RAB3C: variants seen among roughly 807,000 people sequenced by gnomAD.
RAB3C encodes the protein RAB3C, member RAS oncogene family.
A neutral mutation model predicts 26.4 loss-of-function variants in RAB3C; 17 were observed. The observed-to-expected ratio is 0.64, with a 90% confidence interval of 0.44 to 0.97. The LOEUF (loss-of-function observed/expected upper bound fraction) is 0.97. RAB3C is among the 50% of genes least tolerant of loss of function. The probability of loss-of-function intolerance (pLI) is 0.00; values close to 1 mark genes in which losing one functional copy is unlikely to be tolerated. For synonymous variants in RAB3C, 91 were observed against 95.9 expected (o/e 0.95, Z 0.30); for missense variants, 242 against 281.9 (o/e 0.86, Z 1.01).
chr5:58,828,926 T>G (rs1386915337), intron 4 of RAB3C, among the ~76,000 whole-genome samples: 11 of 143,954 alleles, frequency 7.6e-5, no homozygotes, highest in East Asian at 6.1e-4. Flanking sequence ...TTTTTTTGGA[T>G]GGAGTCTCGT....
In RAB3C at chr5:58,617,804, A is replaced by C; in HGVS notation, c.186A>C (p.Thr62=). 6.2e-7 allele frequency: 1 copy of C among 1,613,580 alleles called. No individual in the cohort carries two copies. The highest frequency in any genetic ancestry group is 8.5e-7 in the Non-Finnish European group (1 of 1,179,656). The change falls in exon 2 of 5, where the codon ACA becomes ACC. Residue 62 remains threonine, a synonymous_variant. Coordinates refer to ENST00000282878, the MANE Select transcript of RAB3C (RefSeq NM_138453.4). Reference sequence around the variant, plus strand: ...CCTTTACATCTGCATTCGTCAGCACAGTTGGGATCGATTTCAAAGTAAAAA... The same window carrying C: ...CCTTTACATCTGCATTCGTCAGCACCGTTGGGATCGATTTCAAAGTAAAAA... ...DDSFTSAFVS[T]VGIDFKVKTV...
intron 2 of RAB3C, among the ~76,000 whole-genome samples, chr5:58,650,156 G>A (rs1747613199): frequency 6.6e-6 from 1 of 152,180 alleles, no homozygotes; most frequent in African/African-American, 2.4e-5. Context: ...AACTCATGTA[G>A]CCAGGGACCT....
At chr5:58,672,853 G>T (rs906872711) in intron 2 of RAB3C, among the ~76,000 whole-genome samples, 2 of 152,116 alleles carry the variant, frequency 1.3e-5, no homozygotes, top group Non-Finnish European at 2.9e-5. Flanking sequence ...TGCTCTGTGG[G>T]TCTTCTATCC....
intron 2 of RAB3C, among the ~76,000 whole-genome samples, chr5:58,715,012 A>G (rs1749139435): frequency 6.6e-6 from 1 of 152,030 alleles, no homozygotes; most frequent in African/African-American, 2.4e-5. Flanking sequence ...TCAGAGCTGA[A>G]AAGGACTTAG....
chr5:58,585,148 C>CT lies in RAB3C; in HGVS notation c.24+1922dup, dbSNP rs572283551. Among the ~76,000 whole-genome samples, 36 of 151,998 alleles carry CT rather than the reference C, an allele frequency of 2.4e-4. 1 individual carries two copies. In the South Asian group the frequency reaches 4.8e-3, roughly 20 times the overall value. ...AATGTACATTTTAGGAAATCAAAGA[C>CT]TTTTTTAGCATATTTAATTAAAGCA... On this transcript the variant is annotated intron_variant, in intron 1 of 4. Transcript: ENST00000282878.
chr5:58,653,133 C>A (rs990272375), intron 2 of RAB3C, among the ~76,000 whole-genome samples: 2 of 151,992 alleles, frequency 1.3e-5, no homozygotes, highest in Non-Finnish European at 2.9e-5. Context: ...TTGCCCCCCA[C>A]CCTCTGACAG....
At chr5:58,772,303 ATGG>A (rs1742045707) in intron 3 of RAB3C, among the ~76,000 whole-genome samples, 1 of 152,174 alleles carries the variant, frequency 6.6e-6, no homozygotes, top group Admixed American at 6.5e-5. Flanking sequence ...GAACCTGATG[ATGG>A]TATTAAAATA....
chr5:58,601,628 T>C (rs909659912), intron 1 of RAB3C, among the ~76,000 whole-genome samples: 1 of 152,096 alleles, frequency 6.6e-6, no homozygotes, highest in African/African-American at 2.4e-5. Flanking sequence ...CCAGTTTACG[T>C]GCATAAAGGT....
intron 2 of RAB3C, among the ~76,000 whole-genome samples, chr5:58,638,120 T>C (rs1232179369): frequency 3.3e-5 from 5 of 152,318 alleles, no homozygotes; most frequent in East Asian, 3.9e-4. Flanking sequence ...TGTTGCCTAG[T>C]TGACATCCTA....
At chr5:58,749,738 CT>C (rs1372855279) in intron 3 of RAB3C, among the ~76,000 whole-genome samples, 4 of 152,084 alleles carry the variant, frequency 2.6e-5, no homozygotes, top group African/African-American at 7.2e-5. Flanking sequence ...TTGTTTCAGC[CT>C]TTTGCTGAAT....
intron 2 of RAB3C, among the ~76,000 whole-genome samples, chr5:58,669,970 T>G (rs1748079799): frequency 1.3e-5 from 2 of 152,346 alleles, no homozygotes; most frequent in Middle Eastern, 3.4e-3. Flanking sequence ...GTTTTGAAGA[T>G]CTGGAGAGTA....
intron 2 of RAB3C, among the ~76,000 whole-genome samples, chr5:58,638,778 T>C (rs1434039749): frequency 1.3e-5 from 2 of 152,198 alleles, no homozygotes; most frequent in East Asian, 3.8e-4. Flanking sequence ...GCAGTTGACA[T>C]CAACACTAGG....
intron 2 of RAB3C, among the ~76,000 whole-genome samples, chr5:58,657,173 G>A (rs533152049): frequency 1.3e-4 from 20 of 152,248 alleles, no homozygotes; most frequent in Non-Finnish European, 2.9e-4. Context: ...TGATATGTGT[G>A]AGCTAAGCTA....
intron 4 of RAB3C, among the ~76,000 whole-genome samples, chr5:58,842,449 C>A (rs1212133239): frequency 1.3e-5 from 2 of 152,216 alleles, no homozygotes; most frequent in African/African-American, 4.8e-5. Context: ...CTGTAGGCAC[C>A]TGCTTTCAGC....
intron 3 of RAB3C, among the ~76,000 whole-genome samples, chr5:58,743,792 T>C (rs1459524162): frequency 6.6e-6 from 1 of 152,226 alleles, no homozygotes. Context: ...TGAGGTCACA[T>C]TGAAAAATGA....
chr5:58,640,383 G>A (rs1001751177), intron 2 of RAB3C, among the ~76,000 whole-genome samples: 8 of 152,084 alleles, frequency 5.3e-5, no homozygotes, highest in Middle Eastern at 3.2e-3. Context: ...AACCTTACGC[G>A]TTTAAAATAA....
At chr5:58,652,171 T>C (rs1453015895) in intron 2 of RAB3C, among the ~76,000 whole-genome samples, 2 of 151,924 alleles carry the variant, frequency 1.3e-5, no homozygotes, top group Non-Finnish European at 2.9e-5. Context: ...GCTTCTGACT[T>C]ATTATTCTTG....
At chr5:58,721,056 C>T (rs1740740879) in intron 2 of RAB3C, among the ~76,000 whole-genome samples, 1 of 151,662 alleles carries the variant, frequency 6.6e-6, no homozygotes, top group Admixed American at 6.6e-5. Context: ...AAGGCAGAAA[C>T]AGAGTGCCAA....
rs182671369 is a variant in RAB3C at position 58,778,329 on chromosome 5, G to A, written c.372-46709G>A. On this transcript the variant is annotated intron_variant, in intron 3 of 4. Coordinates refer to ENST00000282878, the MANE Select transcript of RAB3C (RefSeq NM_138453.4). The stretch of plus-strand genomic sequence containing the variant: ...GGTTTTCTAGGATTTTAACCTCTTG[G>A]TCTAATCAGTTTTACAAATTGTCAA... Among the ~76,000 whole-genome samples, 239 of 152,158 alleles carry A rather than the reference G, an allele frequency of 1.6e-3. 2 individuals are homozygous for A. The highest frequency in any genetic ancestry group is 5.4e-3 in the African/African-American group (225 of 41,536).
Sources: allele counts gnomAD v4.1 joint callset (sites outside exome capture counted in the v4.1 genomes callset), GRCh38; gene constraint gnomAD v4.1.1; transcripts MANE v1.5; gene names NCBI Gene and HGNC (gene_info 2026-07-23, HGNC 2026-07-21).